The following CLTCL1 variants were observed in gnomAD, a reference collection of about 807,000 sequenced individuals.
The protein encoded by CLTCL1 is clathrin heavy chain 2.
CLTCL1 carries 159 observed loss-of-function variants against 190.0 expected under a neutral mutation model. That is an observed-to-expected ratio of 0.84 (90% CI 0.74 to 0.95). The LOEUF (loss-of-function observed/expected upper bound fraction) is 0.95. Ranked by LOEUF, CLTCL1 falls within the 40% of genes least tolerant of loss-of-function variation. The pLI is 0.00. For synonymous variants in CLTCL1, 752 were observed against 769.6 expected, an observed-to-expected ratio of 0.98 and a Z score of 0.38; for missense variants, 1,878 against 2,033.4, an observed-to-expected ratio of 0.92 and a Z score of 1.47.
In CLTCL1 at chr22:19,195,964, C is replaced by T. The variant is rs547696012; in HGVS notation, c.4191+302G>A. 9.7e-4 allele frequency among the ~76,000 whole-genome samples: 148 copies of T among 152,220 alleles called. 2 individuals carry two copies. The South Asian group carries it at 0.014, about 15-fold the overall frequency. ...ACGAACTGAGGCCTGGCCACAAGGG[C>T]GTGGTATGGTGGGAGGGGCGGGCAG... On this transcript the variant is annotated intron_variant, in intron 26 of 32. Coordinates refer to ENST00000427926, the MANE Select transcript of CLTCL1 (RefSeq NM_007098.4).
rs781821888 is a variant in CLTCL1 at position 19,210,462 on chromosome 22, G to T, written c.3113C>A (p.Thr1038Lys). The change falls in exon 20 of 33, where the codon ACA (threonine) becomes AAA (lysine). Residue 1038 changes from threonine to lysine, a missense_variant. By Grantham distance (78) the Thr-to-Lys change is moderately conservative (BLOSUM62 -1). Transcript: ENST00000427926. Reference sequence around the variant, plus strand: ...GCGGCTGATGTACTCCATGACCCGTGTGCGGTCTGCCTTGATGGCAGTCAG... The same window carrying T: ...GCGGCTGATGTACTCCATGACCCGTTTGCGGTCTGCCTTGATGGCAGTCAG... ...LILTAIKADR[T>K]RVMEYISRLD... 6 of 1,613,900 alleles carry T rather than the reference G, an allele frequency of 3.7e-6. No homozygotes were observed. The East Asian group carries it at 1.3e-4, about 36-fold the overall frequency.
chr22:19,226,330 G>GTGAGAAGAGC lies in CLTCL1; in HGVS notation c.1835_1836insGCTCTTCTCA (p.His612GlnfsTer10), dbSNP rs782405342. On this transcript the variant is annotated frameshift_variant, in exon 12 of 33. Coordinates refer to ENST00000427926, the MANE Select transcript of CLTCL1 (RefSeq NM_007098.4). LOFTEE classifies it high-confidence loss of function. The stretch of plus-strand genomic sequence containing the variant: ...CTGCCTTCTCACAGAGCTGGGCAAT[G>GTGAGAAGAGC]TGGGCCCGGTCGTAATGAGTAAACA... 1 of 1,614,078 alleles carries GTGAGAAGAGC rather than the reference G, an allele frequency of 6.2e-7. No homozygotes were observed. Among genetic ancestry groups the GTGAGAAGAGC allele is most frequent in the South Asian group, 1.1e-5 (1 of 91,084 alleles).
At chr22:19,243,967 G>C (rs1468927784) in intron 3 of CLTCL1, among the ~76,000 whole-genome samples, 1 of 152,114 alleles carries the variant, frequency 6.6e-6, no homozygotes, top group East Asian at 1.9e-4. Context: ...AAAATGCTGG[G>C]ATTACAGGCT....
chr22:19,187,852 T>C (rs1388172137), intron 28 of CLTCL1, 124 bp from the exon 29 acceptor site: 2 of 1,325,834 alleles, frequency 1.5e-6, no homozygotes, highest in Non-Finnish European at 2.1e-6. Context: ...CCCCTGCCCA[T>C]ATATCCACTG....
chr22:19,241,498 C>T (rs188769064), intron 4 of CLTCL1, among the ~76,000 whole-genome samples: 1 of 152,248 alleles, frequency 6.6e-6, no homozygotes, highest in Non-Finnish European at 1.5e-5. Context: ...TGTTACTCAA[C>T]AGGAGGCCAA....
chr22:19,222,832 C>A (rs1555953435), intron 14 of CLTCL1, 23 bp from the exon 15 acceptor site: 1 of 1,583,342 alleles, frequency 6.3e-7, no homozygotes. Context: ...ATGCACAGAA[C>A]AAGTCAGGGA....
chr22:19,286,284 C>T (rs1555990092), intron 1 of CLTCL1, among the ~76,000 whole-genome samples: 1 of 152,186 alleles, frequency 6.6e-6, no homozygotes, highest in Non-Finnish European at 1.5e-5. Flanking sequence ...GGCTCACCCT[C>T]GCAGACACCC....
chr22:19,190,056 T>G (rs529794860), intron 27 of CLTCL1, among the ~76,000 whole-genome samples: 1 of 152,320 alleles, frequency 6.6e-6, no homozygotes, highest in African/African-American at 2.4e-5. Flanking sequence ...TTCTCCTGCC[T>G]CAGCCTCCCA....
intron 19 of CLTCL1, 93 bp downstream of exon 19, chr22:19,216,018 G>T: frequency 8.0e-7 from 1 of 1,248,660 alleles, no homozygotes; most frequent in Non-Finnish European, 1.1e-6. Context: ...CAGGCTGGAT[G>T]GGTGAAGCGG....
intron 32 of CLTCL1, 87 bp from the exon 33 acceptor site, chr22:19,180,056 GGGAGCAGGGTCTATA>G: frequency 1.4e-6 from 1 of 696,212 alleles, no homozygotes; most frequent in South Asian, 1.8e-5. Context: ...CCGGGGCCCA[GGGAGCAGGGTCTATA>G]GGACCAGCCC....
In CLTCL1 at chr22:19,218,042, C is replaced by T. The variant is rs1555950505; in HGVS notation, c.2920-1786G>A. 3.9e-5 allele frequency among the ~76,000 whole-genome samples: 6 copies of T among 152,306 alleles called. No individual in the cohort carries two copies. The South Asian group carries it at 1.2e-3, about 32-fold the overall frequency. On this transcript the variant is annotated intron_variant, in intron 18 of 32. Coordinates refer to ENST00000427926, the MANE Select transcript of CLTCL1 (RefSeq NM_007098.4). ...GAGGTTCCACTCCAGACACTAAAAG[C>T]AGCCTCCCTCTGTTATTATGCGCTC...
intron 2 of CLTCL1, among the ~76,000 whole-genome samples, chr22:19,270,726 C>CAAAAAAAAAAAAAAAAAAAAAAAAAAA (rs35877753): frequency 1.3e-5 from 1 of 78,828 alleles, no homozygotes; most frequent in Non-Finnish European, 2.4e-5. Context: ...GACTCCAACT[C>CAAAAAAAAAAAAAAAAAAAAAAAAAAA]AAAAAAAAAA....
chr22:19,211,459 C>G (rs907416372), intron 19 of CLTCL1, among the ~76,000 whole-genome samples: 1 of 152,086 alleles, frequency 6.6e-6, no homozygotes, highest in Non-Finnish European at 1.5e-5. Context: ...AAAGAAAGCA[C>G]AGGCAGCACT....
intron 28 of CLTCL1, 53 bp from the exon 29 acceptor site, chr22:19,187,781 A>G: frequency 6.4e-7 from 1 of 1,574,022 alleles, no homozygotes; most frequent in Non-Finnish European, 8.7e-7. Context: ...GGCTGCCTAC[A>G]CATGGAGCAG....
intron 10 of CLTCL1, 73 bp downstream of exon 10, chr22:19,232,403 G>A (rs1409419939): frequency 5.0e-6 from 8 of 1,591,176 alleles, no homozygotes; most frequent in Non-Finnish European, 6.9e-6. Context: ...AAGTTAACAG[G>A]AAACGAATCA....
chr22:19,232,649 T>A, intron 9 of CLTCL1, 51 bp from the exon 10 acceptor site: 1 of 1,558,860 alleles, frequency 6.4e-7, no homozygotes, highest in Non-Finnish European at 8.7e-7. Flanking sequence ...ACCCTGGGCA[T>A]TAGAAAAGGA....
chr22:19,206,437 G>A (rs996362887), intron 22 of CLTCL1, among the ~76,000 whole-genome samples: 4 of 151,978 alleles, frequency 2.6e-5, no homozygotes, highest in Non-Finnish European at 2.9e-5. Context: ...TAGAGATGGG[G>A]GTCTCACTAT....
chr22:19,216,119 G>C lies in CLTCL1; in HGVS notation c.3057C>G (p.Ser1019Arg). ...EKIVLDNSVF[S>R]EHRNLQNLLI... ...CCCTGGCATAGCCTCACCTGTGCTC[G>C]CTGAAGACAGAGTTATCCAGAACTA... Residue 1019 changes from serine (S) to arginine (R), a missense_variant, in exon 19 of 33, where the codon AGC becomes AGG. Coordinates refer to ENST00000427926, the MANE Select transcript of CLTCL1 (RefSeq NM_007098.4). 6.2e-7 allele frequency: 1 copy of C among 1,613,554 alleles called. No individual in the cohort carries two copies. The highest frequency in any genetic ancestry group is 1.1e-5 in the South Asian group (1 of 91,010).
At chr22:19,223,376 A>C (rs2085637419) in intron 14 of CLTCL1, among the ~76,000 whole-genome samples, 1 of 152,020 alleles carries the variant, frequency 6.6e-6, no homozygotes, top group Admixed American at 6.6e-5. Flanking sequence ...CGCCCATAAA[A>C]ACCACCTATG....
Sources: gnomAD v4.1 joint callset for allele counts (sites outside exome capture counted in the v4.1 genomes callset) on GRCh38, gnomAD v4.1.1 for gene constraint, MANE v1.5 for transcripts, NCBI Gene and HGNC (gene_info 2026-07-23, HGNC 2026-07-21) for gene names.